TBL1XR1: variants seen among roughly 807,000 people sequenced by gnomAD.
TBL1XR1 encodes the protein TBL1X/Y related 1.
A neutral mutation model predicts 66.9 loss-of-function variants in TBL1XR1; 5 were observed. The ratio of observed to expected loss-of-function variants is 0.07; its 90% CI spans 0.04 to 0.16. The LOEUF is 0.16. Among genes scored for constraint, TBL1XR1 ranks in the 10% least tolerant of loss-of-function variants. TBL1XR1 has a pLI of 1.00. For synonymous variants in TBL1XR1, 210 were observed against 206.0 expected, an observed-to-expected ratio of 1.02 and a Z score of -0.17; for missense variants, 238 against 623.2, an observed-to-expected ratio of 0.38 and a Z score of 6.58.
chr3:177,140,468 G>A (rs189551126), intron 1 of TBL1XR1, among the ~76,000 whole-genome samples: 1 of 152,146 alleles, frequency 6.6e-6, no homozygotes, highest in Non-Finnish European at 1.5e-5. Context: ...GAAAAAGCTT[G>A]AAAGCACTGC....
intron 12 of TBL1XR1, among the ~76,000 whole-genome samples, chr3:177,037,124 T>TATC (rs1334625732): frequency 6.6e-6 from 1 of 152,202 alleles, no homozygotes; most frequent in Non-Finnish European, 1.5e-5. Context: ...CTCTGCTATG[T>TATC]ATCAGTTTCC....
At chr3:177,191,168 A>C (rs766114794) in intron 1 of TBL1XR1, among the ~76,000 whole-genome samples, 1 of 152,242 alleles carries the variant, frequency 6.6e-6, no homozygotes, top group Non-Finnish European at 1.5e-5. Context: ...GAACCTTCTT[A>C]AAAGCCAGAC....
At chr3:177,178,477 T>C (rs1577398370) in intron 1 of TBL1XR1, among the ~76,000 whole-genome samples, 1 of 152,212 alleles carries the variant, frequency 6.6e-6, no homozygotes, top group Non-Finnish European at 1.5e-5. Flanking sequence ...CTATGCCACT[T>C]TGTAACCAAA....
At chr3:177,090,188 T>A (rs1435713280) in intron 2 of TBL1XR1, among the ~76,000 whole-genome samples, 2 of 152,316 alleles carry the variant, frequency 1.3e-5, no homozygotes, top group East Asian at 1.9e-4. Flanking sequence ...ATCTCCAGAA[T>A]ATTTAAGAAT....
At chr3:177,037,937 T>G in intron 12 of TBL1XR1, 161 bp downstream of exon 12, 1 of 591,588 alleles carries the variant, frequency 1.7e-6, no homozygotes, top group African/African-American at 1.9e-5. Flanking sequence ...GAAAAGAAAC[T>G]ATAAAATTTA....
intron 1 of TBL1XR1, among the ~76,000 whole-genome samples, chr3:177,125,329 T>G (rs1437779464): frequency 6.6e-6 from 1 of 151,780 alleles, no homozygotes. Flanking sequence ...TCAGGAGAAA[T>G]GCAGAACAAA....
intron 1 of TBL1XR1, among the ~76,000 whole-genome samples, chr3:177,159,081 T>G (rs1731857221): frequency 6.6e-6 from 1 of 152,110 alleles, no homozygotes; most frequent in Non-Finnish European, 1.5e-5. Context: ...CAAGAAGAAT[T>G]TTTTATTTTT....
Position 177,020,321 on chromosome 3 carries a change from G to A in TBL1XR1, c.*5177C>T, listed in dbSNP as rs556666303. The A allele has an allele frequency of 1.3e-5, 2 of 152,100 alleles. No individual in the cohort carries two copies. Among genetic ancestry groups the A allele is most frequent in the East Asian group, 3.9e-4 (2 of 5,186 alleles). The allele number at this position is 152,100 out of a possible 1,614,324, so 9.4% of individuals were successfully genotyped here. ...TAAATACAATATTTATTTTTCAAAA[G>A]AATTAAAAATTACAATCCCTTAGCT... On this transcript the variant is annotated 3_prime_UTR_variant, in exon 16 of 16. Transcript: ENST00000457928.
At chr3:177,195,230 G>T (rs190219174) in intron 1 of TBL1XR1, among the ~76,000 whole-genome samples, 1 of 152,024 alleles carries the variant, frequency 6.6e-6, no homozygotes, top group Admixed American at 6.6e-5. Flanking sequence ...AGAAAACCTG[G>T]ATTTAAGAGC....
intron 1 of TBL1XR1, among the ~76,000 whole-genome samples, chr3:177,154,553 T>C (rs1424386404): frequency 6.6e-6 from 1 of 152,082 alleles, no homozygotes; most frequent in Non-Finnish European, 1.5e-5. Flanking sequence ...CCCACCACCA[T>C]GCCCAGCTAA....
chr3:177,072,689 T>C (rs558161572), intron 2 of TBL1XR1, among the ~76,000 whole-genome samples: 1 of 152,340 alleles, frequency 6.6e-6, no homozygotes, highest in South Asian at 2.1e-4. Context: ...GCCACTTTTT[T>C]CATGGAACAG....
intron 2 of TBL1XR1, among the ~76,000 whole-genome samples, chr3:177,088,081 C>T (rs573158948): frequency 6.6e-6 from 1 of 151,998 alleles, no homozygotes; most frequent in African/African-American, 2.4e-5. Flanking sequence ...CTGAATAGTG[C>T]CTACACTGAG....
chr3:177,051,745 G>A lies in TBL1XR1; in HGVS notation c.205-19C>T. 1 of 1,514,144 alleles carries A rather than the reference G, an allele frequency of 6.6e-7. No homozygotes were observed. The highest frequency in any genetic ancestry group is 8.9e-7 in the Non-Finnish European group (1 of 1,125,352). 93.8% of individuals were successfully genotyped at this position (1,514,144 alleles called of 1,614,324 possible). Reference sequence around the variant, plus strand: ...TACCATCCTGGATTTGGAAAATTGTGAGAGAAGAAAAATCAAAGGCAATAT... The same window carrying A: ...TACCATCCTGGATTTGGAAAATTGTAAGAGAAGAAAAATCAAAGGCAATAT... On this transcript the variant is annotated intron_variant, in intron 4 of 15. Transcript: ENST00000457928.
intron 1 of TBL1XR1, among the ~76,000 whole-genome samples, chr3:177,104,231 T>C (rs1264588505): frequency 6.6e-6 from 1 of 151,912 alleles, no homozygotes; most frequent in Non-Finnish European, 1.5e-5. Flanking sequence ...AAAGTTCAAA[T>C]TAAATTGCTT....
At chr3:177,130,144 C>CAAAAAAAAA (rs779815590) in intron 1 of TBL1XR1, among the ~76,000 whole-genome samples, 3 of 89,144 alleles carry the variant, frequency 3.4e-5, no homozygotes, top group Non-Finnish European at 6.4e-5. Flanking sequence ...GACTCCATCT[C>CAAAAAAAAA]AAAAAAAAAA....
intron 1 of TBL1XR1, among the ~76,000 whole-genome samples, chr3:177,123,123 A>T (rs957131976): frequency 2.6e-5 from 4 of 152,148 alleles, no homozygotes; most frequent in African/African-American, 9.7e-5. Flanking sequence ...GAACAGCAGC[A>T]ATCTTTAAGT....
rs187893634 is a variant in TBL1XR1 at position 177,186,215 on chromosome 3, G to A, written c.-122+10906C>T. ...AACCCCAGTCTGTAATTTTACAAAT[G>A]TATATCCGTTACTAAAGAGGACAGA... On this transcript the variant is annotated intron_variant, in intron 1 of 15. Coordinates refer to ENST00000457928, the MANE Select transcript of TBL1XR1 (RefSeq NM_024665.7). 3.9e-5 allele frequency among the ~76,000 whole-genome samples: 6 copies of A among 152,140 alleles called. No individual in the cohort carries two copies. The East Asian group carries it at 1.2e-3, about 29-fold the overall frequency.
intron 1 of TBL1XR1, among the ~76,000 whole-genome samples, chr3:177,195,193 T>C (rs995020407): frequency 6.6e-6 from 1 of 151,602 alleles, no homozygotes; most frequent in African/African-American, 2.4e-5. Context: ...CAGGATAGGG[T>C]TGAAAAAAAA....
rs772415849 is a variant in TBL1XR1 at position 177,053,833 on chromosome 3, T to C, written c.144A>G (p.Ala48=). ...GACCTTTCTGGATGATAGAAATCAATGCAGCGGGTGGGACGAGGGCACCAT... is the reference window on the plus strand; with the variant it reads ...GACCTTTCTGGATGATAGAAATCAACGCAGCGGGTGGGACGAGGGCACCAT... ...NINGALVPPA[A]LISIIQKGLQ... is the part of the protein sequence containing the mutation. The change falls in exon 4 of 16, where the codon GCA becomes GCG. Residue 48 remains alanine, a synonymous_variant. Transcript: ENST00000457928. The C allele has an allele frequency of 6.8e-6, 11 of 1,613,512 alleles. No individual in the cohort carries two copies. Among genetic ancestry groups the C allele is most frequent in the Non-Finnish European group, 9.3e-6 (11 of 1,179,830 alleles).
Sources: allele counts gnomAD v4.1 joint callset (sites outside exome capture counted in the v4.1 genomes callset), GRCh38; gene constraint gnomAD v4.1.1; transcripts MANE v1.5; gene names NCBI Gene and HGNC (gene_info 2026-07-23, HGNC 2026-07-21).